FARS2: variants seen among roughly 807,000 people sequenced by gnomAD.
FARS2 encodes the protein phenylalanine--tRNA ligase, mitochondrial.
A neutral mutation model predicts 46.4 loss-of-function variants in FARS2; 40 were observed. That is an observed-to-expected ratio of 0.86 (90% confidence interval 0.67 to 1.12). The LOEUF is 1.12. Ranked by LOEUF, FARS2 falls within the 50% of genes most tolerant of loss-of-function variation. FARS2 has a pLI of 0.00. For missense variants in FARS2, 513 were observed against 567.9 expected (o/e 0.90, Z 0.98); for synonymous variants, 234 against 214.9 (o/e 1.09, Z -0.78).
At chr6:5,391,419 G>A (rs17140410) in intron 2 of FARS2, among the ~76,000 whole-genome samples, 1 of 152,148 alleles carries the variant, frequency 6.6e-6, no homozygotes, top group South Asian at 2.1e-4. Context: ...GTACTAAACG[G>A]TGTGTAACTA....
intron 6 of FARS2, among the ~76,000 whole-genome samples, chr6:5,722,112 TG>T (rs1362031596): frequency 6.6e-6 from 1 of 152,230 alleles, no homozygotes; most frequent in Non-Finnish European, 1.5e-5. Flanking sequence ...AAGTGTGAGA[TG>T]GTAAAAAATG....
intron 6 of FARS2, among the ~76,000 whole-genome samples, chr6:5,677,820 C>G (rs1778842140): frequency 6.6e-6 from 1 of 152,110 alleles, no homozygotes; most frequent in African/African-American, 2.4e-5. Flanking sequence ...TGTGAAATTC[C>G]TGAGGGTAGG....
intron 3 of FARS2, among the ~76,000 whole-genome samples, chr6:5,421,724 A>G (rs1315198162): frequency 6.6e-6 from 1 of 152,208 alleles, no homozygotes; most frequent in East Asian, 1.9e-4. Flanking sequence ...AAAACATAAC[A>G]AAAGTTACTT....
chr6:5,543,103 T>C (rs1770732476), intron 4 of FARS2, among the ~76,000 whole-genome samples: 1 of 152,240 alleles, frequency 6.6e-6, no homozygotes, highest in Non-Finnish European at 1.5e-5. Flanking sequence ...GACCAAATTA[T>C]CAGCCTGTGA....
At chr6:5,685,614 G>T (rs549540502) in intron 6 of FARS2, among the ~76,000 whole-genome samples, 18 of 152,278 alleles carry the variant, frequency 1.2e-4, no homozygotes, top group African/African-American at 4.3e-4. Flanking sequence ...AGTGACTCTG[G>T]GCTGGAGAAG....
intron 4 of FARS2, among the ~76,000 whole-genome samples, chr6:5,442,690 C>T (rs1236334647): frequency 6.6e-6 from 1 of 152,124 alleles, no homozygotes; most frequent in Non-Finnish European, 1.5e-5. Context: ...TAGTCCCACC[C>T]TCGGTGACAG....
intron 6 of FARS2, among the ~76,000 whole-genome samples, chr6:5,691,974 G>A (rs1757761697): frequency 6.6e-6 from 1 of 152,202 alleles, no homozygotes; most frequent in South Asian, 2.1e-4. Flanking sequence ...CGTGGGCGTA[G>A]GACCCTCCGA....
chr6:5,531,684 G>A (rs1356021100), intron 4 of FARS2, among the ~76,000 whole-genome samples: 1 of 152,202 alleles, frequency 6.6e-6, no homozygotes, highest in African/African-American at 2.4e-5. Context: ...TATACAGCTG[G>A]AGAAATGTTT....
At chr6:5,591,372 C>T (rs1299992975) in intron 5 of FARS2, among the ~76,000 whole-genome samples, 2 of 152,198 alleles carry the variant, frequency 1.3e-5, no homozygotes, top group South Asian at 2.1e-4. Flanking sequence ...AGAAATCTTA[C>T]GTCCCCTCCG....
intron 4 of FARS2, among the ~76,000 whole-genome samples, chr6:5,484,956 A>T (rs1176956459): frequency 6.6e-6 from 1 of 152,164 alleles, no homozygotes; most frequent in African/African-American, 2.4e-5. Flanking sequence ...GCCAGATTAG[A>T]CACTGTGGGT....
intron 6 of FARS2, among the ~76,000 whole-genome samples, chr6:5,636,343 C>G (rs1031595631): frequency 6.6e-6 from 1 of 152,224 alleles, no homozygotes; most frequent in Non-Finnish European, 1.5e-5. Flanking sequence ...GGGGTGTCCA[C>G]CCAGCTCCCG....
chr6:5,704,448 A>G (rs779652134), intron 6 of FARS2, among the ~76,000 whole-genome samples: 1 of 152,234 alleles, frequency 6.6e-6, no homozygotes. Flanking sequence ...CTTCAGAGTA[A>G]TGATAAAGTA....
At chr6:5,414,284 C>T in intron 3 of FARS2, among the ~76,000 whole-genome samples, 1 of 152,324 alleles carries the variant, frequency 6.6e-6, no homozygotes, top group East Asian at 1.9e-4. Flanking sequence ...TTCCAATAAA[C>T]TAAAGTGTAC....
upstream of FARS2, among the ~76,000 whole-genome samples, chr6:5,259,487 T>C (rs1764850439): frequency 6.6e-6 from 1 of 152,220 alleles, no homozygotes. Context: ...TTTTCAAATT[T>C]GCAGCATGAG....
At chr6:5,585,604 G>A (rs2326651) in intron 5 of FARS2, among the ~76,000 whole-genome samples, 124,383 of 151,898 alleles carry the variant, frequency 0.82, 50,982 homozygotes, top group East Asian at 0.87. Flanking sequence ...TTCACTGAGC[G>A]TAATGTCTTC....
intron 6 of FARS2, among the ~76,000 whole-genome samples, chr6:5,754,516 T>C (rs752771974): frequency 6.6e-6 from 1 of 152,250 alleles, no homozygotes; most frequent in African/African-American, 2.4e-5. Context: ...TGAACCATCA[T>C]GTTAATGTTG....
In FARS2 at chr6:5,294,103, G is replaced by A. The variant is rs374840504; in HGVS notation, c.-22+32443G>A. Among the ~76,000 whole-genome samples, 48 of 152,274 alleles carry A rather than the reference G, an allele frequency of 3.2e-4. No homozygotes were observed. The South Asian group carries it at 9.5e-3, about 30-fold the overall frequency. On this transcript the variant is annotated intron_variant, in intron 1 of 6. Transcript: ENST00000274680. The stretch of plus-strand genomic sequence containing the variant: ...CTGTATAGTTATAAATAATAAAGAG[G>A]TATGTTTTATAGTTAATTCAGGAAC...
At chr6:5,527,457 T>A (rs1046824685) in intron 4 of FARS2, among the ~76,000 whole-genome samples, 1 of 152,224 alleles carries the variant, frequency 6.6e-6, no homozygotes, top group Non-Finnish European at 1.5e-5. Flanking sequence ...TAACTCTTGT[T>A]AATAAGGAAT....
intron 4 of FARS2, among the ~76,000 whole-genome samples, chr6:5,460,405 A>G (rs976956094): frequency 1.3e-5 from 2 of 152,182 alleles, no homozygotes; most frequent in African/African-American, 4.8e-5. Flanking sequence ...GCCAGAAACC[A>G]CACTAGCTAT....
Sources: gnomAD v4.1 joint callset for allele counts (sites outside exome capture counted in the v4.1 genomes callset) on GRCh38, gnomAD v4.1.1 for gene constraint, MANE v1.5 for transcripts, NCBI Gene and HGNC (gene_info 2026-07-23, HGNC 2026-07-21) for gene names.